Variants in MACROD2 observed in about 807,000 individuals in gnomAD.
The protein encoded by MACROD2 is ADP-ribose glycohydrolase MACROD2.
Under a neutral mutation model 70.4 loss-of-function variants are expected in MACROD2, and 36 were observed. That is an observed-to-expected ratio of 0.51 (90% confidence interval 0.39 to 0.68). The LOEUF (loss-of-function observed/expected upper bound fraction) is 0.68, where lower values mean the gene tolerates loss of function less well. Among genes scored for constraint, MACROD2 ranks in the 30% least tolerant of loss-of-function variants. MACROD2 has a pLI of 0.00. For missense variants in MACROD2, 496 were observed against 538.4 expected (o/e 0.92, Z 0.78); for synonymous variants, 172 against 178.8 (o/e 0.96, Z 0.30).
chr20:15,067,134 A>G (rs1297946395), intron 5 of MACROD2, among the ~76,000 whole-genome samples: 1 of 152,166 alleles, frequency 6.6e-6, no homozygotes, highest in African/African-American at 2.4e-5. Flanking sequence ...GTTCATTAGC[A>G]ATTTTATTAA....
At chr20:14,050,064 C>G (rs939944794) in intron 2 of MACROD2, among the ~76,000 whole-genome samples, 1 of 139,158 alleles carries the variant, frequency 7.2e-6, no homozygotes, top group Admixed American at 7.6e-5. Flanking sequence ...CCAGCCTGGG[C>G]AACAAGAGTG....
At chr20:15,438,788 T>C (rs2046459548) in intron 7 of MACROD2, among the ~76,000 whole-genome samples, 1 of 152,190 alleles carries the variant, frequency 6.6e-6, no homozygotes, top group Non-Finnish European at 1.5e-5. Flanking sequence ...CAAAGCACTG[T>C]GTCTCTAGGA....
intron 7 of MACROD2, among the ~76,000 whole-genome samples, chr20:15,491,660 A>G (rs992892403): frequency 6.6e-5 from 10 of 152,234 alleles, no homozygotes; most frequent in Non-Finnish European, 1.2e-4. Flanking sequence ...AGTTAACCCA[A>G]CAACTCTCAG....
At chr20:14,728,550 A>G (rs2071556919) in intron 5 of MACROD2, among the ~76,000 whole-genome samples, 2 of 152,190 alleles carry the variant, frequency 1.3e-5, no homozygotes, top group South Asian at 4.1e-4. Context: ...ATGAGACACT[A>G]TTTTACCATT....
intron 7 of MACROD2, among the ~76,000 whole-genome samples, chr20:15,461,648 G>T (rs2046820274): frequency 6.6e-6 from 1 of 152,160 alleles, no homozygotes; most frequent in African/African-American, 2.4e-5. Context: ...AAACTTAAAT[G>T]AAATATTAAT....
intron 4 of MACROD2, among the ~76,000 whole-genome samples, chr20:14,633,934 T>G (rs57717958): frequency 6.6e-6 from 1 of 152,226 alleles, no homozygotes; most frequent in Non-Finnish European, 1.5e-5. Context: ...CTAATTTTCC[T>G]GCATAGACAT....
At chr20:14,275,822 T>C (rs2082249054) in intron 3 of MACROD2, among the ~76,000 whole-genome samples, 1 of 151,954 alleles carries the variant, frequency 6.6e-6, no homozygotes, top group African/African-American at 2.4e-5. Flanking sequence ...GCGAAGGACA[T>C]GAACAGACAC....
At chr20:15,354,544 C>G (rs2078264936) in intron 6 of MACROD2, among the ~76,000 whole-genome samples, 1 of 152,100 alleles carries the variant, frequency 6.6e-6, no homozygotes, top group Non-Finnish European at 1.5e-5. Context: ...TAATATGACA[C>G]TATTCTTTTG....
At chr20:15,810,327 A>G (rs1338060576) in intron 8 of MACROD2, among the ~76,000 whole-genome samples, 49 of 151,688 alleles carry the variant, frequency 3.2e-4, no homozygotes, top group African/African-American at 1.1e-3. Context: ...ATAAACATAC[A>G]TGTGCATGTG....
At chr20:14,309,384 A>C (rs1349291141) in intron 3 of MACROD2, among the ~76,000 whole-genome samples, 1 of 152,132 alleles carries the variant, frequency 6.6e-6, no homozygotes, top group East Asian at 1.9e-4. Context: ...AAGTAAAAAG[A>C]AAAAAGTGCA....
intron 6 of MACROD2, among the ~76,000 whole-genome samples, chr20:15,307,095 A>G (rs950401712): frequency 5.9e-5 from 9 of 152,108 alleles, no homozygotes; most frequent in Non-Finnish European, 1.2e-4. Context: ...AACACCTCCC[A>G]CTAGGCCCCC....
intron 15 of MACROD2, among the ~76,000 whole-genome samples, chr20:16,002,044 A>G (rs1436033585): frequency 1.2e-5 from 1 of 84,018 alleles, no homozygotes; most frequent in Non-Finnish European, 2.7e-5. Context: ...AATGTGTCTT[A>G]TATATATATA....
intron 9 of MACROD2, among the ~76,000 whole-genome samples, chr20:15,873,754 T>C (rs969906692): frequency 6.6e-6 from 1 of 151,852 alleles, no homozygotes; most frequent in Admixed American, 6.6e-5. Flanking sequence ...GGTTTAAAAA[T>C]AGAAAGAAAA....
chr20:15,526,673 C>T (rs527409435), intron 8 of MACROD2, among the ~76,000 whole-genome samples: 1 of 152,310 alleles, frequency 6.6e-6, no homozygotes, highest in East Asian at 1.9e-4. Context: ...GATCTACTAA[C>T]TTGATTTAGC....
chr20:14,419,303 C>G (rs1237307619), intron 3 of MACROD2, among the ~76,000 whole-genome samples: 1 of 152,232 alleles, frequency 6.6e-6, no homozygotes, highest in African/African-American at 2.4e-5. Context: ...ATCCGCCTGC[C>G]TCAGCCTCCC....
chr20:14,085,633 A>G lies in MACROD2; in HGVS notation c.176A>G (p.Gln59Arg). 1.3e-6 allele frequency: 2 copies of G among 1,561,542 alleles called. No individual in the cohort carries two copies. Among genetic ancestry groups the G allele is most frequent in the East Asian group, 2.3e-5 (1 of 43,642 alleles). The change falls in exon 3 of 18, where the codon CAG (glutamine) becomes CGG (arginine). Residue 59 changes from glutamine to arginine, a missense_variant. Coordinates refer to ENST00000684519, the MANE Select transcript of MACROD2 (RefSeq NM_001351661.2). Reference protein sequence around the residue: ...GKGQNDEENTQETSQVKKSLT... With the variant: ...GKGQNDEENTRETSQVKKSLT... ...TTTTCTATTACAGAAGAAAATACTC[A>G]GGAAACATCCCAGGTGAAGAAAAGT... is the stretch of plus-strand genomic sequence containing the variant.
intron 2 of MACROD2, among the ~76,000 whole-genome samples, chr20:14,039,194 T>C (rs1448121472): frequency 6.6e-6 from 1 of 152,174 alleles, no homozygotes; most frequent in Non-Finnish European, 1.5e-5. Flanking sequence ...TAAATGATTT[T>C]TAAGAAGCAA....
At chr20:14,835,434 T>C (rs1258613331) in intron 5 of MACROD2, among the ~76,000 whole-genome samples, 2 of 152,110 alleles carry the variant, frequency 1.3e-5, no homozygotes, top group African/African-American at 4.8e-5. Context: ...AAAGTTGGCA[T>C]CATGGAAGTT....
intron 3 of MACROD2, among the ~76,000 whole-genome samples, chr20:14,482,583 T>C (rs958401447): frequency 6.6e-6 from 1 of 152,114 alleles, no homozygotes; most frequent in Non-Finnish European, 1.5e-5. Context: ...TGAGCCAGCA[T>C]ACTTTAGATG....
Sources: gnomAD v4.1 joint callset for allele counts (sites outside exome capture counted in the v4.1 genomes callset) on GRCh38, gnomAD v4.1.1 for gene constraint, MANE v1.5 for transcripts, NCBI Gene and HGNC (gene_info 2026-07-23, HGNC 2026-07-21) for gene names.